Variants in DENND2B observed in about 807,000 individuals in gnomAD.
DENND2B encodes the protein DENN domain-containing protein 2B.
In DENND2B, 32 loss-of-function variants were observed where a neutral mutation model predicts 116.0. The ratio of observed to expected loss-of-function variants is 0.28; its 90% CI spans 0.21 to 0.37. DENND2B has a LOEUF of 0.37. DENND2B is among the 10% of genes least tolerant of loss of function. DENND2B has a pLI of 1.00. For synonymous variants in DENND2B, 588 were observed against 583.9 expected, an observed-to-expected ratio of 1.01 and a Z score of -0.10; for missense variants, 1,276 against 1,477.7, an observed-to-expected ratio of 0.86 and a Z score of 2.24.
At chr11:8,816,718 G>A (rs995555211) in intron 4 of DENND2B, among the ~76,000 whole-genome samples, 2 of 152,170 alleles carry the variant, frequency 1.3e-5, no homozygotes, top group Admixed American at 6.5e-5. Flanking sequence ...AAATTCAAGA[G>A]TAGACAGCTA....
chr11:8,812,115 T>C (rs1398692656), upstream of DENND2B, among the ~76,000 whole-genome samples: 1 of 152,204 alleles, frequency 6.6e-6, no homozygotes. Flanking sequence ...AGTTAGGCAG[T>C]CAAAGAACTA....
At chr11:8,718,003 C>G (rs2045269029) in intron 4 of DENND2B, 111 bp from the exon 5 acceptor site, 1 of 1,276,384 alleles carries the variant, frequency 7.8e-7, no homozygotes, top group South Asian at 1.3e-5. Context: ...AGAATGGCTT[C>G]TGCCTGGCCC....
intron 1 of DENND2B, among the ~76,000 whole-genome samples, chr11:8,909,183 CA>C (rs952545321): frequency 6.6e-6 from 1 of 151,996 alleles, no homozygotes; most frequent in Non-Finnish European, 1.5e-5. Flanking sequence ...AACCACAGAG[CA>C]AAAAAGTGGC....
At chr11:8,811,109 G>A (rs947458197), upstream of DENND2B, 1 of 393,104 alleles carries the variant, frequency 2.5e-6, no homozygotes, top group Non-Finnish European at 4.5e-6. Flanking sequence ...AGCTTCCTCT[G>A]GGTCCTGGAG....
intron 19 of DENND2B, chr11:8,694,408 A>G: frequency 2.1e-6 from 1 of 485,280 alleles, no homozygotes; most frequent in Non-Finnish European, 3.8e-6. Context: ...TGGCGGGCTG[A>G]GCACCCTGCA....
At chr11:8,908,319 G>A (rs2064265474) in intron 1 of DENND2B, among the ~76,000 whole-genome samples, 1 of 152,204 alleles carries the variant, frequency 6.6e-6, no homozygotes, top group East Asian at 1.9e-4. Context: ...CAACTGGAAT[G>A]ACTAAAATAG....
At chr11:8,889,529 AG>A (rs199757319) in intron 1 of DENND2B, among the ~76,000 whole-genome samples, 4,281 of 152,336 alleles carry the variant, frequency 0.028, 79 homozygotes, top group Middle Eastern at 0.13. Context: ...CTGGAAAATC[AG>A]GTCACTCCCA....
In DENND2B at chr11:8,730,609, C is replaced by T. The variant is rs1396571565; in HGVS notation, c.681G>A (p.Arg227=). 1 of 1,613,116 alleles carries T rather than the reference C, an allele frequency of 6.2e-7. No homozygotes were observed. Residue 227 remains arginine (R), a synonymous_variant, in exon 3 of 20, where the codon AGG becomes AGA. Transcript: ENST00000313726. The surrounding 1 kb of genome is among the most constrained non-coding windows in gnomAD (Gnocchi z 4.1). ...EKTFDFKGLR[R]MSRTFSECSY... ...AACACTCGGAGAAGGTCCTGCTCAT[C>T]CTCCGGAGGCCCTTGAAATCAAAGG... is the stretch of plus-strand genomic sequence containing the variant.
At chr11:8,694,790 T>C in intron 19 of DENND2B, 1 of 338,940 alleles carries the variant, frequency 3.0e-6, no homozygotes, top group Non-Finnish European at 5.7e-6. Flanking sequence ...CTGGGCATGG[T>C]GGCTAACGCC....
chr11:8,719,939 G>A (rs1448845221), intron 4 of DENND2B, among the ~76,000 whole-genome samples: 1 of 152,156 alleles, frequency 6.6e-6, no homozygotes, highest in Non-Finnish European at 1.5e-5. Flanking sequence ...CTGACATTTG[G>A]GGTTGAATAA....
chr11:8,906,316 C>G (rs1222630999), intron 1 of DENND2B, among the ~76,000 whole-genome samples: 1 of 148,954 alleles, frequency 6.7e-6, no homozygotes. Context: ...CGCCGTTCTC[C>G]TGCCTCAGCC....
Position 8,699,137 on chromosome 11 carries a change from G to T in DENND2B, c.2898+76C>A, listed in dbSNP as rs1022130862. The T allele has an allele frequency of 8.6e-6, 13 of 1,513,182 alleles. No individual in the cohort carries two copies. The African/African-American group carries it at 1.7e-4, about 20-fold the overall frequency. The allele number at this position is 1,513,182 out of a possible 1,614,324, so 93.7% of individuals were successfully genotyped here. A position where few individuals can be genotyped will look rare whatever the true frequency, so the allele number is the denominator to read the frequency against. On this transcript the variant is annotated intron_variant, in intron 15 of 19. Coordinates refer to ENST00000313726, the MANE Select transcript of DENND2B (RefSeq NM_213618.2). ...AGGATAAGAGCCTGGTAAAGAGGCC[G>T]AGGGGCCACAAGTAAGATCCCAGCA... is the stretch of plus-strand genomic sequence containing the variant.
In DENND2B at chr11:8,721,055, T is replaced by C. The variant is rs142521770; in HGVS notation, c.1478-3163A>G. ...GGACGAAGAGGTGGACCCTCTTCCCTGAAGGCCTGGCCCTCAGCAAGCCCA... is the reference window on the plus strand; with the variant it reads ...GGACGAAGAGGTGGACCCTCTTCCCCGAAGGCCTGGCCCTCAGCAAGCCCA... On this transcript the variant is annotated intron_variant, in intron 4 of 19. Coordinates refer to ENST00000313726, the MANE Select transcript of DENND2B (RefSeq NM_213618.2). 1.1e-3 allele frequency among the ~76,000 whole-genome samples: 163 copies of C among 152,208 alleles called. 1 individual carries two copies. Among genetic ancestry groups the C allele is most frequent in the Non-Finnish European group, 1.8e-3 (124 of 67,994 alleles).
In DENND2B at chr11:8,707,812, T is replaced by A; in HGVS notation, c.2395A>T (p.Ile799Phe). ...GPRLPEVYCV[I>F]SRLGCFGLFS... ...AAGCCGAAGCAGCCAAGGCGGCTGA[T>A]GACACAGTACACCTCTGGCAACCGG... is the stretch of plus-strand genomic sequence containing the variant. Residue 799 changes from isoleucine (I) to phenylalanine (F), a missense_variant, in exon 12 of 20, where the codon ATC (isoleucine) becomes TTC (phenylalanine). By Grantham distance (21) the Ile-to-Phe change is conservative. Transcript: ENST00000313726. This position sits in a 1 kb window ranked among gnomAD's most constrained non-coding sequence, Gnocchi z 4.8. 3.7e-6 allele frequency: 6 copies of A among 1,611,932 alleles called. No homozygotes were observed. Among genetic ancestry groups the A allele is most frequent in the Non-Finnish European group, 5.1e-6 (6 of 1,179,222 alleles).
intron 9 of DENND2B, 56 bp from the exon 10 acceptor site, chr11:8,711,287 G>T: frequency 1.3e-6 from 2 of 1,526,904 alleles, no homozygotes; most frequent in South Asian, 2.2e-5. Context: ...GGTGGTGGTG[G>T]CTGAGAAGCC....
chr11:8,698,166 A>AAAAAAAAAAAG (rs1555092981), intron 16 of DENND2B, among the ~76,000 whole-genome samples: 22 of 129,442 alleles, frequency 1.7e-4, no homozygotes, highest in Non-Finnish European at 2.4e-4. Flanking sequence ...AAAAAAAAAA[A>AAAAAAAAAAAG]GGGGGTAGAG....
intron 16 of DENND2B, chr11:8,697,883 CTT>C: frequency 1.9e-6 from 1 of 540,344 alleles, no homozygotes; most frequent in Non-Finnish European, 3.4e-6. Flanking sequence ...AATCCCAACA[CTT>C]TGGAAGGCTG....
intron 3 of DENND2B, 101 bp downstream of exon 3, chr11:8,729,849 G>A (rs1184809887): frequency 9.7e-6 from 14 of 1,449,672 alleles, no homozygotes; most frequent in Non-Finnish European, 1.1e-5. Context: ...AGCTTACGAA[G>A]CACTAATGAC....
chr11:8,748,241 GGGCCCCA>G (rs879590525), intron 2 of DENND2B, among the ~76,000 whole-genome samples: 2 of 152,050 alleles, frequency 1.3e-5, no homozygotes, highest in African/African-American at 2.4e-5. Flanking sequence ...AATGATAAAA[GGGCCCCA>G]GGTCACTACC....
Sources: gnomAD v4.1 joint callset for allele counts (sites outside exome capture counted in the v4.1 genomes callset) on GRCh38, gnomAD v4.1.1 for gene constraint, Gnocchi (gnomAD v3.1) non-coding constraint, MANE v1.5 for transcripts, NCBI Gene and HGNC (gene_info 2026-07-23, HGNC 2026-07-21) for gene names.